Variants in MYO16 observed in about 807,000 individuals in gnomAD.
MYO16 encodes the protein myosin XVI, also known as unconventional myosin-XVI.
Under a neutral mutation model 205.3 loss-of-function variants are expected in MYO16, and 94 were observed. The ratio of observed to expected loss-of-function variants is 0.46; its 90% CI spans 0.39 to 0.54. MYO16 has a LOEUF of 0.54. Among genes scored for constraint, MYO16 ranks in the 20% least tolerant of loss-of-function variants. The probability of loss-of-function intolerance (pLI) is 0.00; values close to 1 mark genes in which losing one functional copy is unlikely to be tolerated. For synonymous variants in MYO16, 988 were observed against 954.0 expected, an observed-to-expected ratio of 1.04 and a Z score of -0.66; for missense variants, 2,315 against 2,387.5, an observed-to-expected ratio of 0.97 and a Z score of 0.63.
At chr13:109,022,042 C>A (rs1485031748) in intron 23 of MYO16, among the ~76,000 whole-genome samples, 1 of 149,430 alleles carries the variant, frequency 6.7e-6, no homozygotes, top group Non-Finnish European at 1.5e-5. Context: ...GAAGGAAATC[C>A]ATGGAGGATT....
intron 12 of MYO16, 104 bp from the exon 13 acceptor site, chr13:108,882,955 T>C: frequency 7.1e-7 from 1 of 1,415,170 alleles, no homozygotes; most frequent in Non-Finnish European, 9.6e-7. Context: ...AATTAGGGAT[T>C]CATTCACTTC....
At chr13:108,538,763 A>G in the MYO16 span, among the ~76,000 whole-genome samples, 2 of 152,098 alleles carry the variant, frequency 1.3e-5, no homozygotes, top group Admixed American at 6.6e-5. Context: ...CACTATGGCT[A>G]GAAAACTCAA....
At chr13:109,167,517 T>C (rs1181130581) in intron 33 of MYO16, among the ~76,000 whole-genome samples, 1 of 152,172 alleles carries the variant, frequency 6.6e-6, no homozygotes, top group African/African-American at 2.4e-5. Context: ...GAAGGACATG[T>C]GGTGTTATAG....
chr13:108,510,473 T>TTG, the MYO16 span, among the ~76,000 whole-genome samples: 13 of 131,288 alleles, frequency 9.9e-5, 1 homozygote, highest in East Asian at 2.6e-3. Context: ...TTTTTTTTTT[T>TTG]TTTTTTTTTT....
intron 6 of MYO16, among the ~76,000 whole-genome samples, chr13:108,798,600 A>G (rs1460721535): frequency 2.0e-5 from 3 of 151,838 alleles, no homozygotes; most frequent in African/African-American, 7.3e-5. Flanking sequence ...TAATGCGATA[A>G]CTGGCATATA....
At chr13:108,607,582 T>C (rs751464737) in intron 1 of MYO16, among the ~76,000 whole-genome samples, 1 of 152,190 alleles carries the variant, frequency 6.6e-6, no homozygotes, top group East Asian at 1.9e-4. Flanking sequence ...CAACTCTGTG[T>C]CAATTAAACC....
chr13:108,625,599 T>C (rs1879704811), upstream of MYO16, among the ~76,000 whole-genome samples: 1 of 152,198 alleles, frequency 6.6e-6, no homozygotes, highest in Admixed American at 6.5e-5. Flanking sequence ...CTGTCAGCCA[T>C]TGTGTGTGAG....
intron 3 of MYO16, among the ~76,000 whole-genome samples, chr13:108,715,657 A>G (rs181973994): frequency 1.1e-3 from 160 of 152,328 alleles, no homozygotes; most frequent in African/African-American, 3.3e-3. Context: ...AAATGCATAT[A>G]CTGTGTCATC....
chr13:108,550,303 A>G, the MYO16 span, among the ~76,000 whole-genome samples: 1 of 152,284 alleles, frequency 6.6e-6, no homozygotes, highest in Admixed American at 6.5e-5. Flanking sequence ...AGTCCTAGCC[A>G]TGCTGTACCC....
intron 32 of MYO16, among the ~76,000 whole-genome samples, chr13:109,152,504 T>C (rs898624989): frequency 6.6e-6 from 1 of 152,334 alleles, no homozygotes; most frequent in African/African-American, 2.4e-5. Flanking sequence ...TTATCTCTAA[T>C]TTAGAGGTTA....
Position 109,117,478 on chromosome 13 carries a change from ATATG to A in MYO16, c.3439-2888_3439-2885del, listed in dbSNP as rs971067499. Among the ~76,000 whole-genome samples, 96 of 148,110 alleles carry A rather than the reference ATATG, an allele frequency of 6.5e-4. No individual in the cohort carries two copies. In the Middle Eastern group the frequency reaches 0.014, roughly 22 times the overall value. On this transcript the variant is annotated intron_variant, in intron 28 of 34. Coordinates refer to ENST00000457511, the MANE Select transcript of MYO16 (RefSeq NM_001198950.3). ...TATATGTATGTGTATATATGTATGTATATGTATATATATGTAATATATATGTATA... is the reference window on the plus strand; with the variant it reads ...TATATGTATGTGTATATATGTATGTATATATATATGTAATATATATGTATA...
chr13:108,868,022 T>C (rs537792656), intron 12 of MYO16, among the ~76,000 whole-genome samples: 148 of 152,356 alleles, frequency 9.7e-4, no homozygotes, highest in Middle Eastern at 6.8e-3. Flanking sequence ...GTATTTTGTA[T>C]GGCTGTATAA....
intron 34 of MYO16, among the ~76,000 whole-genome samples, chr13:109,180,937 A>G (rs1457220522): frequency 6.6e-6 from 1 of 152,184 alleles, no homozygotes; most frequent in Non-Finnish European, 1.5e-5. Flanking sequence ...TGTACATTAC[A>G]ACACAACGCT....
intron 6 of MYO16, among the ~76,000 whole-genome samples, chr13:108,802,523 G>A (rs954704717): frequency 6.6e-6 from 1 of 152,184 alleles, no homozygotes; most frequent in African/African-American, 2.4e-5. Context: ...ATTATGAATA[G>A]TGCTGCAGTG....
chr13:108,541,253 CTT>C, the MYO16 span, among the ~76,000 whole-genome samples: 4 of 151,726 alleles, frequency 2.6e-5, no homozygotes, highest in African/African-American at 9.6e-5. Flanking sequence ...AGACATATAA[CTT>C]ATATATTACA....
chr13:108,969,565 C>A (rs1883929751), intron 20 of MYO16, among the ~76,000 whole-genome samples: 2 of 152,202 alleles, frequency 1.3e-5, no homozygotes, highest in South Asian at 4.1e-4. Flanking sequence ...AACAGCCATT[C>A]TCCCCAAGGA....
At chr13:109,173,724 T>C (rs563701701) in intron 33 of MYO16, among the ~76,000 whole-genome samples, 2 of 150,404 alleles carry the variant, frequency 1.3e-5, no homozygotes, top group East Asian at 4.0e-4. Context: ...TGAAACCCCG[T>C]CTCTACTAAA....
At chr13:108,695,698 T>C (rs145281059) in intron 2 of MYO16, among the ~76,000 whole-genome samples, 2,305 of 152,276 alleles carry the variant, frequency 0.015, 47 homozygotes, top group African/African-American at 0.053. Context: ...TTAGTACTCA[T>C]TATTTTAACA....
chr13:109,012,779 G>GTATATATATATA lies in MYO16; in HGVS notation c.2595+3738_2595+3749dup, dbSNP rs113007743. 2.0e-3 allele frequency among the ~76,000 whole-genome samples: 296 copies of GTATATATATATA among 146,636 alleles called. 1 individual carries two copies. The highest frequency in any genetic ancestry group is 7.0e-3 in the African/African-American group (278 of 39,896). ...TCAAATTGTTGTTATATGTGTGTGT[G>GTATATATATATA]TATATATATATATATATATGTATAT... is the stretch of plus-strand genomic sequence containing the variant. On this transcript the variant is annotated intron_variant, in intron 22 of 34. Coordinates refer to ENST00000457511, the MANE Select transcript of MYO16 (RefSeq NM_001198950.3).
Sources: gnomAD v4.1 joint callset for allele counts (sites outside exome capture counted in the v4.1 genomes callset) on GRCh38, gnomAD v4.1.1 for gene constraint, MANE v1.5 for transcripts, NCBI Gene and HGNC (gene_info 2026-07-23, HGNC 2026-07-21) for gene names.